ICAM5: variants seen among roughly 807,000 people sequenced by gnomAD.
The protein encoded by ICAM5 is intercellular adhesion molecule 5, also known as ICAM-5.
In ICAM5, 38 loss-of-function variants were observed where a neutral mutation model predicts 78.8. The ratio of observed to expected loss-of-function variants is 0.48; its 90% CI spans 0.37 to 0.63. The LOEUF (loss-of-function observed/expected upper bound fraction) is 0.63. ICAM5 is among the 30% of genes least tolerant of loss of function. The pLI is 0.00. For synonymous variants in ICAM5, 544 were observed against 590.9 expected (o/e 0.92, Z 1.15); for missense variants, 1,059 against 1,303.0 (o/e 0.81, Z 2.88).
intron 2 of ICAM5, 68 bp from the exon 3 acceptor site, chr19:10,291,421 C>T: frequency 1.9e-6 from 3 of 1,606,504 alleles, no homozygotes; most frequent in Admixed American, 1.7e-5. Context: ...CAGGGTCCTC[C>T]CCTTCAGGCC....
Position 10,295,618 on chromosome 19 carries a change from T to C in ICAM5, c.2497+6T>C. On this transcript the variant is annotated splice_donor_region_variant and intron_variant, in intron 10 of 10. Coordinates refer to ENST00000221980, the MANE Select transcript of ICAM5 (RefSeq NM_003259.4). The stretch of plus-strand genomic sequence containing the variant: ...CATCACGGTGCGCGTGGCCGGTAAG[T>C]GGCAGCTGGGGAGAGGCGGGGCGAG... The C allele has an allele frequency of 6.5e-7, 1 of 1,539,030 alleles. No homozygotes were observed. The highest frequency in any genetic ancestry group is 8.7e-7 in the Non-Finnish European group (1 of 1,144,854).
At position 10,294,680 on chromosome 19, in the gene ICAM5, C is replaced by T; in HGVS notation, c.2230+40C>T. The T allele has an allele frequency of 6.2e-7, 1 of 1,609,472 alleles. No individual in the cohort carries two copies. Among genetic ancestry groups the T allele is most frequent in the Non-Finnish European group, 8.5e-7 (1 of 1,178,952 alleles). The stretch of plus-strand genomic sequence containing the variant: ...CACCGGATGGAGGGGACACGGTCCT[C>T]GGAAGAATGACTCGCAGCGGTGGGA... On this transcript the variant is annotated intron_variant, in intron 9 of 10. Transcript: ENST00000221980. The surrounding 1 kb of genome is among the most constrained non-coding windows in gnomAD (Gnocchi z 7.7).
chr19:10,296,612 C>T lies in ICAM5; in HGVS notation c.2771C>T (p.Ala924Val). The T allele has an allele frequency of 8.3e-6, 10 of 1,211,402 alleles. No homozygotes were observed. The highest frequency in any genetic ancestry group is 7.2e-6 in the Non-Finnish European group (7 of 970,470). 75.0% of individuals were successfully genotyped at this position (1,211,402 alleles called of 1,614,324 possible). A position where few individuals can be genotyped will look rare whatever the true frequency, so the allele number is the denominator to read the frequency against. ...GTCTTCGCCATACAGCTGACATCGG[C>T]GTGAGCCCGCTCCCCTCTCCCCGCG... ...GEVFAIQLTS[A>V] The change falls in exon 11 of 11, where the codon GCG becomes GTG. Residue 924 changes from alanine to valine, a missense_variant. This residue lies in a region of ICAM5 where 109 missense variants were observed against 120.0 expected (regional missense o/e 0.91). Coordinates refer to ENST00000221980, the MANE Select transcript of ICAM5 (RefSeq NM_003259.4).
At position 10,294,698 on chromosome 19, in the gene ICAM5, C is replaced by T; in HGVS notation, c.2230+58C>T. ...CGGTCCTCGGAAGAATGACTCGCAG[C>T]GGTGGGAGCATTCAAGGGCACCTCT... On this transcript the variant is annotated intron_variant, in intron 9 of 10. Transcript: ENST00000221980. This position sits in a 1 kb window ranked among gnomAD's most constrained non-coding sequence, Gnocchi z 7.7. 6.2e-7 allele frequency: 1 copy of T among 1,604,832 alleles called. No individual in the cohort carries two copies. The highest frequency in any genetic ancestry group is 8.5e-7 in the Non-Finnish European group (1 of 1,177,278).
Position 10,293,188 on chromosome 19 carries a change from C to G in ICAM5, c.1407C>G (p.Arg469=). The stretch of plus-strand genomic sequence containing the variant: ...CTCGGGCGCTCTCAGGCACTTACCG[C>G]TGCAAGGCGGCCAATGATCAAGGCG... The part of the protein sequence containing the change: ...PVTRALSGTY[R]CKAANDQGEA... The change falls in exon 6 of 11, where the codon CGC becomes CGG. Residue 469 remains arginine (R), a synonymous_variant. Transcript: ENST00000221980. The surrounding 1 kb of genome is among the most constrained non-coding windows in gnomAD (Gnocchi z 5.0). 1 of 1,609,882 alleles carries G rather than the reference C, an allele frequency of 6.2e-7. No homozygotes were observed. Among genetic ancestry groups the G allele is most frequent in the Non-Finnish European group, 8.5e-7 (1 of 1,178,440 alleles).
At position 10,290,504 on chromosome 19, in the gene ICAM5, A is replaced by G. The variant is rs1042265433; in HGVS notation, c.82+379A>G. On this transcript the variant is annotated intron_variant, in intron 1 of 10. Coordinates refer to ENST00000221980, the MANE Select transcript of ICAM5 (RefSeq NM_003259.4). The surrounding 1 kb of genome is among the most constrained non-coding windows in gnomAD (Gnocchi z 5.7). ...TCCATCTCTCCAACTACCCTGACTC[A>G]GAGGCGCTGTTCCCGCTCCACCCAG... 4.4e-6 allele frequency: 1 copy of G among 228,576 alleles called. No homozygotes were observed. Among genetic ancestry groups the G allele is most frequent in the Non-Finnish European group, 8.6e-6 (1 of 116,882 alleles). 14.2% of individuals were successfully genotyped at this position (228,576 alleles called of 1,614,324 possible).
chr19:10,291,179 C>G lies in ICAM5; in HGVS notation c.190C>G (p.Arg64Gly). 1 of 1,612,288 alleles carries G rather than the reference C, an allele frequency of 6.2e-7. No individual in the cohort carries two copies. Among genetic ancestry groups the G allele is most frequent in the South Asian group, 1.1e-5 (1 of 91,074 alleles). ...CAGCACCAACTGCCCTCGGCCGGAG[C>G]GCGGTGGCCTGGAGACCTCGCTGCG... ...NCSTNCPRPERGGLETSLRRN... is the reference protein window; with the variant it reads ...NCSTNCPRPEGGGLETSLRRN... Residue 64 changes from arginine (R) to glycine (G), a missense_variant, in exon 2 of 11, where the codon CGC becomes GGC. Physicochemically the swap from Arg to Gly is moderately radical, Grantham distance 125. Transcript: ENST00000221980.
rs1193905422 is a variant in ICAM5 at position 10,296,609 on chromosome 19, C to A, written c.2768C>A (p.Ser923Ter). 9.9e-6 allele frequency: 12 copies of A among 1,212,248 alleles called. No homozygotes were observed. The highest frequency in any genetic ancestry group is 1.2e-5 in the Non-Finnish European group (12 of 970,752). 75.1% of individuals were successfully genotyped at this position (1,212,248 alleles called of 1,614,324 possible). A position where few individuals can be genotyped will look rare whatever the true frequency, so the allele number is the denominator to read the frequency against. The stretch of plus-strand genomic sequence containing the variant: ...GAGGTCTTCGCCATACAGCTGACAT[C>A]GGCGTGAGCCCGCTCCCCTCTCCCC... ...EGEVFAIQLT[S>*]A Residue 923 changes from serine (S) to a stop codon, truncating the protein, a stop_gained, in exon 11 of 11, where the codon TCG (serine) becomes TAG (stop). Transcript: ENST00000221980. LOFTEE classifies it high-confidence loss of function.
Position 10,293,681 on chromosome 19 carries a change from T to C in ICAM5, c.1466-17T>C. The C allele has an allele frequency of 6.2e-7, 1 of 1,609,248 alleles. No homozygotes were observed. Among genetic ancestry groups the C allele is most frequent in the Non-Finnish European group, 8.5e-7 (1 of 1,176,840 alleles). Reference sequence around the variant, plus strand: ...TGCCCCCAAACCCCAAAGCCAACAATACACTCCCTCCTCCAGACGCACCAG... The same window carrying C: ...TGCCCCCAAACCCCAAAGCCAACAACACACTCCCTCCTCCAGACGCACCAG... On this transcript the variant is annotated splice_polypyrimidine_tract_variant and intron_variant, in intron 6 of 10. Transcript: ENST00000221980. This position sits in a 1 kb window ranked among gnomAD's most constrained non-coding sequence, Gnocchi z 5.0.
At position 10,293,771 on chromosome 19, in the gene ICAM5, C is replaced by T. The variant is rs2040196706; in HGVS notation, c.1539C>T (p.Ser513=). 6.2e-7 allele frequency: 1 copy of T among 1,613,850 alleles called. No individual in the cohort carries two copies. The highest frequency in any genetic ancestry group is 1.1e-5 in the South Asian group (1 of 91,094). ...TWLEGTEASL[S]CVAHGVPPPD... ...TGGAGGGAACAGAAGCCTCGCTGAG[C>T]TGTGTGGCGCACGGGGTACCGCCGC... Residue 513 remains serine (S), a synonymous_variant, in exon 7 of 11, where the codon AGC becomes AGT. Coordinates refer to ENST00000221980, the MANE Select transcript of ICAM5 (RefSeq NM_003259.4). The surrounding 1 kb of genome is among the most constrained non-coding windows in gnomAD (Gnocchi z 5.0).
At position 10,294,168 on chromosome 19, in the gene ICAM5, G is replaced by C. The variant is rs1056536; in HGVS notation, c.1840G>C (p.Ala614Pro). 3 of 1,612,510 alleles carry C rather than the reference G, an allele frequency of 1.9e-6. No individual in the cohort carries two copies. Among genetic ancestry groups the C allele is most frequent in the Non-Finnish European group, 2.5e-6 (3 of 1,179,604 alleles). The change falls in exon 8 of 11, where the codon GCC (alanine) becomes CCC (proline). Residue 614 changes from alanine (A) to proline (P), a missense_variant. Around this residue, in one of 3 missense-constraint regions of ICAM5, gnomAD observed 815 missense variants for 952.8 expected, o/e 0.86. Coordinates refer to ENST00000221980, the MANE Select transcript of ICAM5 (RefSeq NM_003259.4). This position sits in a 1 kb window ranked among gnomAD's most constrained non-coding sequence, Gnocchi z 7.7. ...CGTGAAGTGCGTGGGCTCCGGGGGCGCCACTGAGGGGGTGCTGCTGCCGCT... is the reference window on the plus strand; with the variant it reads ...CGTGAAGTGCGTGGGCTCCGGGGGCCCCACTGAGGGGGTGCTGCTGCCGCT... ...PSVKCVGSGG[A>P]TEGVLLPLAP...
At position 10,292,275 on chromosome 19, in the gene ICAM5, C is replaced by T; in HGVS notation, c.914C>T (p.Thr305Ile). The T allele has an allele frequency of 6.2e-7, 1 of 1,612,258 alleles. No individual in the cohort carries two copies. Among genetic ancestry groups the T allele is most frequent in the Middle Eastern group, 1.7e-4 (1 of 6,014 alleles). The change falls in exon 4 of 11, where the codon ACC becomes ATC. Residue 305 changes from threonine (T) to isoleucine (I), a missense_variant. Around this residue, in one of 3 missense-constraint regions of ICAM5, gnomAD observed 815 missense variants for 952.8 expected, o/e 0.86. Transcript: ENST00000221980. ...EGARQLVCNV[T>I]LGGENRETRE... ...GCCAGGCAGCTGGTCTGCAACGTCA[C>T]CCTGGGGGGCGAAAACCGGGAGACC...
Position 10,296,401 on chromosome 19 carries a change from G to A in ICAM5, c.2560G>A (p.Ala854Thr). The A allele has an allele frequency of 4.7e-6, 6 of 1,276,290 alleles. No individual in the cohort carries two copies. Among genetic ancestry groups the A allele is most frequent in the Non-Finnish European group, 6.0e-6 (6 of 1,002,920 alleles). 79.1% of individuals were successfully genotyped at this position (1,276,290 alleles called of 1,614,324 possible). ...GGGCGCGGCGCTGCTGGCCGCGGGG[G>A]CCGGCCTGGCCTTCTACGTGCAGTC... is the stretch of plus-strand genomic sequence containing the variant. ...AGGAALLAAG[A>T]GLAFYVQSTA... Residue 854 changes from alanine (A) to threonine (T), a missense_variant, in exon 11 of 11, where the codon GCC (alanine) becomes ACC (threonine). Ala to Thr is a moderately conservative substitution (Grantham distance 58, BLOSUM62 0). This residue lies in a region of ICAM5 where 109 missense variants were observed against 120.0 expected (regional missense o/e 0.91). Transcript: ENST00000221980.
chr19:10,296,240 G>T, intron 10 of ICAM5, 99 bp from the exon 11 acceptor site: 1 of 1,133,334 alleles, frequency 8.8e-7, no homozygotes, highest in East Asian at 3.4e-5. Flanking sequence ...TGAGCTCCCC[G>T]GGGCATGAGG....
At chr19:10,295,744 C>A (rs2040215257) in intron 10 of ICAM5, 132 bp downstream of exon 10, 1 of 1,080,402 alleles carries the variant, frequency 9.3e-7, no homozygotes, top group Non-Finnish European at 1.3e-6. Context: ...GAGTAGAAGT[C>A]AAAGGTGCCT....
chr19:10,294,302 C>G lies in ICAM5; in HGVS notation c.1974C>G (p.Val658=). 1.2e-6 allele frequency: 2 copies of G among 1,613,020 alleles called. No homozygotes were observed. The highest frequency in any genetic ancestry group is 1.1e-5 in the South Asian group (1 of 91,042). ...GCCACGGCTCCGTGGCCAAAACAGTCGTCGTGAGCGCGGAGTGTGAGCGAG... is the reference window on the plus strand; with the variant it reads ...GCCACGGCTCCGTGGCCAAAACAGTGGTCGTGAGCGCGGAGTGTGAGCGAG... ...TNRHGSVAKT[V]VVSAESPPEM... The change falls in exon 8 of 11, where the codon GTC becomes GTG. Residue 658 remains valine, a synonymous_variant. Transcript: ENST00000221980. The surrounding 1 kb of genome is among the most constrained non-coding windows in gnomAD (Gnocchi z 7.7).
intron 10 of ICAM5, among the ~76,000 whole-genome samples, chr19:10,295,834 C>T (rs947069131): frequency 1.3e-5 from 2 of 152,158 alleles, no homozygotes; most frequent in African/African-American, 4.8e-5. Context: ...GGGAGGGACC[C>T]TCCGGGGCTG....
Position 10,293,303 on chromosome 19 carries a change from A to T in ICAM5, c.1465+57A>T. 1.3e-6 allele frequency: 2 copies of T among 1,524,352 alleles called. No homozygotes were observed. Among genetic ancestry groups the T allele is most frequent in the South Asian group, 2.6e-5 (2 of 77,666 alleles). 94.4% of individuals were successfully genotyped at this position (1,524,352 alleles called of 1,614,324 possible). ...CTGGTTCAAGGTCTGGAGGGTGGCC[A>T]GCCTCCAGGGAAGAGTAGGAGTAGG... is the stretch of plus-strand genomic sequence containing the variant. On this transcript the variant is annotated intron_variant, in intron 6 of 10. Coordinates refer to ENST00000221980, the MANE Select transcript of ICAM5 (RefSeq NM_003259.4). The surrounding 1 kb of genome is among the most constrained non-coding windows in gnomAD (Gnocchi z 5.0).
Position 10,296,500 on chromosome 19 carries a change from G to A in ICAM5, c.2659G>A (p.Ala887Thr). 1.6e-6 allele frequency: 2 copies of A among 1,232,330 alleles called. No homozygotes were observed. The highest frequency in any genetic ancestry group is 2.1e-6 in the Non-Finnish European group (2 of 971,404). 76.3% of individuals were successfully genotyped at this position (1,232,330 alleles called of 1,614,324 possible). A position where few individuals can be genotyped will look rare whatever the true frequency, so the allele number is the denominator to read the frequency against. Residue 887 changes from alanine to threonine, a missense_variant, in exon 11 of 11, where the codon GCG becomes ACG. Transcript: ENST00000221980. ...SSGEAVCLNG[A>T]GGGAGGAAGA... is the part of the protein sequence containing the mutation. ...AGGCGAGGCCGTGTGTCTGAACGGA[G>A]CGGGCGGCGGCGCTGGCGGGGCGGC... is the stretch of plus-strand genomic sequence containing the variant.
Sources: allele counts gnomAD v4.1 joint callset (sites outside exome capture counted in the v4.1 genomes callset), GRCh38; gene constraint gnomAD v4.1.1; regional missense constraint gnomAD v4.1.1; non-coding constraint Gnocchi (gnomAD v3.1); transcripts MANE v1.5; gene names NCBI Gene and HGNC (gene_info 2026-07-23, HGNC 2026-07-21).